The following CNTLN variants were observed in gnomAD, a reference collection of about 807,000 sequenced individuals.
The protein encoded by CNTLN is centlein, centrosomal protein.
A neutral mutation model predicts 180.0 loss-of-function variants in CNTLN; 212 were observed. The ratio of observed to expected loss-of-function variants is 1.18; its 90% CI spans 1.05 to 1.32. The LOEUF (loss-of-function observed/expected upper bound fraction) is 1.32. CNTLN is among the 40% of genes most tolerant of loss of function. The pLI is 0.00. For missense variants in CNTLN, 2,095 were observed against 1,610.9 expected, an observed-to-expected ratio of 1.30 and a Z score of -5.14; for synonymous variants, 722 against 563.1, an observed-to-expected ratio of 1.28 and a Z score of -3.99.
intron 6 of CNTLN, among the ~76,000 whole-genome samples, chr9:17,292,294 C>G (rs910633733): frequency 2.6e-5 from 4 of 152,036 alleles, no homozygotes; most frequent in African/African-American, 7.3e-5. Context: ...GGCTGATCAT[C>G]TCATGGAGTA....
chr9:17,519,533 CTTCAA>C, the CNTLN span, among the ~76,000 whole-genome samples: 4 of 152,172 alleles, frequency 2.6e-5, no homozygotes, highest in Admixed American at 6.5e-5. Context: ...TAAGTTAGAA[CTTCAA>C]TTCAAGTATA....
chr9:17,301,601 A>G, intron 7 of CNTLN: 1 of 983,726 alleles, frequency 1.0e-6, no homozygotes, highest in Non-Finnish European at 1.2e-6. Flanking sequence ...CTCACTTTGA[A>G]ATTGTACCTC....
rs559515676 is a variant in CNTLN, at chr9:17,178,364, A to T, written c.449+34988A>T. Reference sequence around the variant, plus strand: ...GCTGGCTTCACCCAGTGGATCCCGCACCCGGGCCGCAGGTGGAGCTGCCTG... The same window carrying T: ...GCTGGCTTCACCCAGTGGATCCCGCTCCCGGGCCGCAGGTGGAGCTGCCTG... On this transcript the variant is annotated intron_variant, in intron 2 of 25. Coordinates refer to ENST00000380647, the MANE Select transcript of CNTLN (RefSeq NM_017738.4). Among the ~76,000 whole-genome samples the T allele has an allele frequency of 7.2e-5, 11 of 152,234 alleles. No individual in the cohort carries two copies. The East Asian group carries it at 1.9e-3, about 27-fold the overall frequency.
intron 2 of CNTLN, among the ~76,000 whole-genome samples, chr9:17,178,402 C>G (rs114292588): frequency 0.02 from 3,094 of 152,306 alleles, 103 homozygotes; most frequent in African/African-American, 0.071. Flanking sequence ...AGTCCCGTGC[C>G]CTGTGCCCGC....
chr9:17,292,951 G>A (rs1174722151), intron 6 of CNTLN, among the ~76,000 whole-genome samples: 7 of 152,224 alleles, frequency 4.6e-5, no homozygotes, highest in Middle Eastern at 3.4e-3. Flanking sequence ...TTCAGTTTGC[G>A]AGGACCTTTT....
chr9:17,265,442 C>T (rs1827346455), intron 5 of CNTLN, among the ~76,000 whole-genome samples: 1 of 152,102 alleles, frequency 6.6e-6, no homozygotes, highest in African/African-American at 2.4e-5. Flanking sequence ...ATTCGGTTTG[C>T]CAGTATTTTA....
chr9:17,247,630 T>G (rs2132247450), intron 5 of CNTLN, among the ~76,000 whole-genome samples: 1 of 152,252 alleles, frequency 6.6e-6, no homozygotes, highest in Non-Finnish European at 1.5e-5. Flanking sequence ...CTTAAGAAGG[T>G]ACTTTTTTGT....
rs1818085932 is a variant in CNTLN, at chr9:17,298,212, A to T, written c.1006A>T (p.Asn336Tyr). ...LVRKELQELQ[N>Y]LYKQNSTHTA... ...CAGGAAGGAACTGCAGGAGCTGCAG[A>T]ATCTTTACAAACAGAACAGTACACA... The change falls in exon 7 of 26, where the codon AAT becomes TAT. Residue 336 changes from asparagine (N) to tyrosine (Y), a missense_variant. Transcript: ENST00000380647. 1.3e-6 allele frequency: 2 copies of T among 1,535,696 alleles called. No homozygotes were observed. The highest frequency in any genetic ancestry group is 1.7e-6 in the Non-Finnish European group (2 of 1,143,460).
chr9:17,235,573 C>G, intron 3 of CNTLN, 85 bp from the exon 4 acceptor site: 1 of 1,113,480 alleles, frequency 9.0e-7, no homozygotes. Context: ...ATCACATTAG[C>G]AAATCAAAAT....
At position 17,394,834 on chromosome 9, in the gene CNTLN, C is replaced by G. The variant is rs1466879265; in HGVS notation, c.2380C>G (p.Pro794Ala). ...LRNENEELIN[P>A]MEKSHQSADR... ...AAATGAAAATGAAGAGCTGATCAAC[C>G]CAATGGAGAAATCACACCAGTCAGC... Residue 794 changes from proline to alanine, a missense_variant, in exon 15 of 26, where the codon CCA becomes GCA. Coordinates refer to ENST00000380647, the MANE Select transcript of CNTLN (RefSeq NM_017738.4). 3 of 1,613,842 alleles carry G rather than the reference C, an allele frequency of 1.9e-6. No homozygotes were observed. The East Asian group carries it at 6.7e-5, about 36-fold the overall frequency.
At chr9:17,489,224 C>CT (rs976510861) in intron 25 of CNTLN, among the ~76,000 whole-genome samples, 3 of 151,864 alleles carry the variant, frequency 2.0e-5, no homozygotes, top group African/African-American at 7.3e-5. Flanking sequence ...GCCCACCAGC[C>CT]TTTTTTTAGA....
intron 25 of CNTLN, among the ~76,000 whole-genome samples, chr9:17,488,811 A>T (rs1229265508): frequency 6.6e-6 from 1 of 152,108 alleles, no homozygotes. Flanking sequence ...TTAATTGCCC[A>T]GGTTTATTTG....
chr9:17,207,945 A>G (rs1408323873), intron 2 of CNTLN, among the ~76,000 whole-genome samples: 1 of 152,054 alleles, frequency 6.6e-6, no homozygotes, highest in Non-Finnish European at 1.5e-5. Context: ...TCCACTTTGG[A>G]TGCTCTTTAT....
chr9:17,437,649 A>G (rs1268071144), intron 18 of CNTLN, among the ~76,000 whole-genome samples: 1 of 152,236 alleles, frequency 6.6e-6, no homozygotes, highest in Non-Finnish European at 1.5e-5. Context: ...ATGGATAAGT[A>G]TGTTTGTTAC....
At chr9:17,319,906 G>C (rs1027035152) in intron 8 of CNTLN, among the ~76,000 whole-genome samples, 1 of 152,084 alleles carries the variant, frequency 6.6e-6, no homozygotes, top group Non-Finnish European at 1.5e-5. Context: ...AAGCTAATTG[G>C]TTCATAGGGG....
At chr9:17,506,873 G>C, downstream of CNTLN, among the ~76,000 whole-genome samples, 1 of 152,132 alleles carries the variant, frequency 6.6e-6, no homozygotes. Context: ...TTTTACATAC[G>C]TATGGGGTAA....
intron 10 of CNTLN, among the ~76,000 whole-genome samples, chr9:17,334,711 A>C (rs915167149): frequency 1.3e-5 from 2 of 152,098 alleles, no homozygotes; most frequent in African/African-American, 4.8e-5. Flanking sequence ...AGTGGGGGCT[A>C]AACCTGAGTA....
intron 2 of CNTLN, among the ~76,000 whole-genome samples, chr9:17,185,771 T>TTGTGTGTG (rs371473319): frequency 0.026 from 3,778 of 143,696 alleles, 100 homozygotes; most frequent in African/African-American, 0.068. Flanking sequence ...TGTTTCCCAT[T>TTGTGTGTG]TGTGTGTGTG....
At position 17,274,736 on chromosome 9, in the gene CNTLN, G is replaced by C. The variant is rs144210536; in HGVS notation, c.983+870G>C. 3.1e-3 allele frequency among the ~76,000 whole-genome samples: 472 copies of C among 152,206 alleles called. 5 individuals carry two copies. The highest frequency in any genetic ancestry group is 0.011 in the African/African-American group (449 of 41,566). On this transcript the variant is annotated intron_variant, in intron 6 of 25. Coordinates refer to ENST00000380647, the MANE Select transcript of CNTLN (RefSeq NM_017738.4). The stretch of plus-strand genomic sequence containing the variant: ...GCCATTCTGGTACACATTGGGTGGA[G>C]TTCTTTGGTAAAACTTGTCTGGGAA...
Sources: gnomAD v4.1 joint callset for allele counts (sites outside exome capture counted in the v4.1 genomes callset) on GRCh38, gnomAD v4.1.1 for gene constraint, MANE v1.5 for transcripts, NCBI Gene and HGNC (gene_info 2026-07-23, HGNC 2026-07-21) for gene names.